Variants in FGF2 observed in about 807,000 individuals in gnomAD.
FGF2 encodes the protein fibroblast growth factor 2, also known as basic fibroblast growth factor bFGF.
FGF2 carries 13 observed loss-of-function variants against 15.9 expected under a neutral mutation model. That is an observed-to-expected ratio of 0.82 (90% CI 0.53 to 1.30). The LOEUF (loss-of-function observed/expected upper bound fraction) is 1.30. Ranked by LOEUF, FGF2 falls within the 50% of genes most tolerant of loss-of-function variation. FGF2 has a pLI of 0.00. For missense variants in FGF2, 163 were observed against 196.9 expected, an observed-to-expected ratio of 0.83 and a Z score of 1.03; for synonymous variants, 90 against 78.4, an observed-to-expected ratio of 1.15 and a Z score of -0.78.
At chr4:122,862,505 C>T (rs1383599209) in intron 1 of FGF2, among the ~76,000 whole-genome samples, 1 of 152,120 alleles carries the variant, frequency 6.6e-6, no homozygotes, top group Non-Finnish European at 1.5e-5. Flanking sequence ...GTGTTGAGTG[C>T]CAATGATCTG....
rs1725664448 is a variant in FGF2 at position 122,827,359 on chromosome 4, G to C, written c.178+7G>C. On this transcript the variant is annotated splice_region_variant and intron_variant, in intron 1 of 2. Transcript: ENST00000644866. This position sits in a 1 kb window ranked among gnomAD's most constrained non-coding sequence, Gnocchi z 4.2. ...GAGAAGAGCGACCCTCACAGTGAGT[G>C]CCGACCCGCTCTCTCCGCCTCATTT... 5 of 1,612,554 alleles carry C rather than the reference G, an allele frequency of 3.1e-6. No individual in the cohort carries two copies. The highest frequency in any genetic ancestry group is 4.2e-6 in the Non-Finnish European group (5 of 1,179,822).
chr4:122,857,649 A>G (rs1370334086), intron 1 of FGF2, among the ~76,000 whole-genome samples: 1 of 152,222 alleles, frequency 6.6e-6, no homozygotes, highest in Non-Finnish European at 1.5e-5. Flanking sequence ...TATCTCTTTT[A>G]GAACATGAGG....
chr4:122,892,481 T>C lies in FGF2; in HGVS notation c.*85T>C. The C allele has an allele frequency of 6.3e-7, 1 of 1,598,016 alleles. No homozygotes were observed. Among genetic ancestry groups the C allele is most frequent in the East Asian group, 2.3e-5 (1 of 44,380 alleles). Reference sequence around the variant, plus strand: ...GTTAATGAGAGTAAAAGAAAATAAATGTGTATAGCTCAGTTTGGATAATTG... The same window carrying C: ...GTTAATGAGAGTAAAAGAAAATAAACGTGTATAGCTCAGTTTGGATAATTG... On this transcript the variant is annotated 3_prime_UTR_variant, in exon 3 of 3. Coordinates refer to ENST00000644866, the MANE Select transcript of FGF2 (RefSeq NM_001361665.2).
intron 1 of FGF2, among the ~76,000 whole-genome samples, chr4:122,828,217 C>T (rs1342756284): frequency 6.6e-6 from 1 of 152,178 alleles, no homozygotes; most frequent in Non-Finnish European, 1.5e-5. Flanking sequence ...TTCCCTAAGT[C>T]TGGAGTGGGG....
chr4:122,846,198 T>C (rs1355851768), intron 1 of FGF2, among the ~76,000 whole-genome samples: 1 of 152,182 alleles, frequency 6.6e-6, no homozygotes, highest in African/African-American at 2.4e-5. Flanking sequence ...GTGTAGTTTG[T>C]GGTCCCTCAA....
At chr4:122,856,503 T>G (rs185546919) in intron 1 of FGF2, among the ~76,000 whole-genome samples, 167 of 152,346 alleles carry the variant, frequency 1.1e-3, no homozygotes, top group Non-Finnish European at 1.7e-3. Context: ...TAAAGGAATC[T>G]TATTTATATT....
rs140445474 is a variant in FGF2 at position 122,856,412 on chromosome 4, G to C, written c.179-19909G>C. The stretch of plus-strand genomic sequence containing the variant: ...ATACAGTGGAGGCTATTTGGTCTGC[G>C]GGCTCTTCTGCCCTTGGGTTCTCAA... On this transcript the variant is annotated intron_variant, in intron 1 of 2. Transcript: ENST00000644866. 2.6e-5 allele frequency among the ~76,000 whole-genome samples: 4 copies of C among 152,194 alleles called. No individual in the cohort carries two copies. The East Asian group carries it at 7.7e-4, about 29-fold the overall frequency.
intron 1 of FGF2, among the ~76,000 whole-genome samples, chr4:122,853,637 T>C (rs1441232594): frequency 7.9e-6 from 1 of 126,430 alleles, no homozygotes; most frequent in Non-Finnish European, 1.5e-5. Context: ...TCTTGAACTG[T>C]CTTTTGTTCA....
chr4:122,881,310 G>A (rs1257686874), intron 2 of FGF2, among the ~76,000 whole-genome samples: 1 of 152,178 alleles, frequency 6.6e-6, no homozygotes, highest in East Asian at 1.9e-4. Flanking sequence ...CAGCCCACTT[G>A]AATTTTTCCT....
Position 122,897,855 on chromosome 4 carries a change from G to A in FGF2, c.*5459G>A. 1.7e-6 allele frequency: 1 copy of A among 588,470 alleles called. No individual in the cohort carries two copies. Among genetic ancestry groups the A allele is most frequent in the Non-Finnish European group, 3.1e-6 (1 of 326,690 alleles). 36.5% of individuals were successfully genotyped at this position (588,470 alleles called of 1,614,324 possible). ...TCCCTCGTTTCTTCTTTTTTTGGGGGAGCTGGTAACTGATGAAATCTTTTC... is the reference window on the plus strand; with the variant it reads ...TCCCTCGTTTCTTCTTTTTTTGGGGAAGCTGGTAACTGATGAAATCTTTTC... On this transcript the variant is annotated 3_prime_UTR_variant, in exon 3 of 3. Transcript: ENST00000644866.
At chr4:122,838,101 TG>T (rs1725902379) in intron 1 of FGF2, among the ~76,000 whole-genome samples, 2 of 152,124 alleles carry the variant, frequency 1.3e-5, no homozygotes, top group African/African-American at 4.8e-5. Flanking sequence ...CAGAAGGTGT[TG>T]GATTGAAAAA....
intron 1 of FGF2, among the ~76,000 whole-genome samples, chr4:122,874,975 T>C (rs1195542774): frequency 6.6e-6 from 1 of 152,202 alleles, no homozygotes; most frequent in African/African-American, 2.4e-5. Context: ...ATGAAAATAG[T>C]CTGGACAAAC....
At chr4:122,831,992 C>G (rs1725774336) in intron 1 of FGF2, among the ~76,000 whole-genome samples, 1 of 152,178 alleles carries the variant, frequency 6.6e-6, no homozygotes, top group Non-Finnish European at 1.5e-5. Context: ...GAGAACTCAT[C>G]ATCAGTGATG....
At chr4:122,863,849 G>A (rs967928123) in intron 1 of FGF2, among the ~76,000 whole-genome samples, 1 of 152,214 alleles carries the variant, frequency 6.6e-6, no homozygotes, top group Non-Finnish European at 1.5e-5. Context: ...ATAGGCTGAA[G>A]TGGCTGTCCA....
chr4:122,866,873 G>A (rs1398828044), intron 1 of FGF2, among the ~76,000 whole-genome samples: 1 of 152,156 alleles, frequency 6.6e-6, no homozygotes, highest in Admixed American at 6.5e-5. Context: ...ACAAAATCTT[G>A]TCTACGAATG....
intron 2 of FGF2, among the ~76,000 whole-genome samples, chr4:122,891,863 C>T (rs775516856): frequency 6.6e-6 from 1 of 152,126 alleles, no homozygotes; most frequent in Non-Finnish European, 1.5e-5. Context: ...GGAGCTATAG[C>T]TTTGGGCTTC....
Position 122,892,370 on chromosome 4 carries a change from T to A in FGF2, c.442T>A (p.Phe148Ile). 6.2e-7 allele frequency: 1 copy of A among 1,614,162 alleles called. No homozygotes were observed. Among genetic ancestry groups the A allele is most frequent in the South Asian group, 1.1e-5 (1 of 91,074 alleles). The change falls in exon 3 of 3, where the codon TTT becomes ATT. Residue 148 changes from phenylalanine (F) to isoleucine (I), a missense_variant. Coordinates refer to ENST00000644866, the MANE Select transcript of FGF2 (RefSeq NM_001361665.2). ...KTGPGQKAIL[F>I]LPMSAKS ...AGGACCTGGGCAGAAAGCTATACTT[T>A]TTCTTCCAATGTCTGCTAAGAGCTG...
chr4:122,829,520 A>T (rs1016402307), intron 1 of FGF2, among the ~76,000 whole-genome samples: 1 of 152,174 alleles, frequency 6.6e-6, no homozygotes, highest in African/African-American at 2.4e-5. Context: ...ATGTAGAATA[A>T]CTCATCCAGA....
At chr4:122,871,781 C>CAA (rs55677162) in intron 1 of FGF2, among the ~76,000 whole-genome samples, 22,063 of 93,992 alleles carry the variant, frequency 0.23, 2,210 homozygotes, top group Middle Eastern at 0.36. Flanking sequence ...CATTGAAAGA[C>CAA]AAAAAAAAAA....
Sources: gnomAD v4.1 joint callset for allele counts (sites outside exome capture counted in the v4.1 genomes callset) on GRCh38, gnomAD v4.1.1 for gene constraint, Gnocchi (gnomAD v3.1) non-coding constraint, MANE v1.5 for transcripts, NCBI Gene and HGNC (gene_info 2026-07-23, HGNC 2026-07-21) for gene names.